Variants in DLGAP2 observed in about 807,000 individuals in gnomAD.
The protein encoded by DLGAP2 is DLG associated protein 2.
A neutral mutation model predicts 100.3 loss-of-function variants in DLGAP2; 26 were observed. The observed-to-expected ratio is 0.26, with a 90% CI of 0.19 to 0.36. The LOEUF (loss-of-function observed/expected upper bound fraction) is 0.36, where lower values mean the gene tolerates loss of function less well. DLGAP2 is among the 10% of genes least tolerant of loss of function. The pLI, the probability that DLGAP2 is intolerant of heterozygous loss-of-function variation, is 1.00. For synonymous variants in DLGAP2, 886 were observed against 630.1 expected, an observed-to-expected ratio of 1.41 and a Z score of -6.08; for missense variants, 1,858 against 1,453.2, an observed-to-expected ratio of 1.28 and a Z score of -4.53.
In DLGAP2 at chr8:868,688, G is replaced by T. The variant is rs140524036; in HGVS notation, c.19-39224G>T. 4.7e-3 allele frequency among the ~76,000 whole-genome samples: 720 copies of T among 152,342 alleles called. 15 individuals are homozygous for T. The highest frequency in any genetic ancestry group is 0.036 in the Admixed American group (554 of 15,306). Reference sequence around the variant, plus strand: ...GCGGCACCTTGAAGAAGGTGCTGGTGTGGGCTTTGGTGTGTCTGAGGCGTC... The same window carrying T: ...GCGGCACCTTGAAGAAGGTGCTGGTTTGGGCTTTGGTGTGTCTGAGGCGTC... On this transcript the variant is annotated intron_variant, in intron 1 of 14. Coordinates refer to ENST00000637795, the MANE Select transcript of DLGAP2 (RefSeq NM_001346810.2).
chr8:979,177 C>CTG (rs1800259026), intron 2 of DLGAP2, among the ~76,000 whole-genome samples: 1 of 152,190 alleles, frequency 6.6e-6, no homozygotes, highest in Non-Finnish European at 1.5e-5. Flanking sequence ...AGCAATCACA[C>CTG]TGACTTCACA....
rs546089945 is a variant in DLGAP2, at chr8:766,739, T to C, written c.18+28914T>C. ...TTACCAGAGTCAATCACCAAAGAAC[T>C]AAGCTGTCCTGTCAACACTGCCAGC... On this transcript the variant is annotated intron_variant, in intron 1 of 14. Transcript: ENST00000637795. Among the ~76,000 whole-genome samples, 6 of 152,300 alleles carry C rather than the reference T, an allele frequency of 3.9e-5. No homozygotes were observed. In the South Asian group the frequency reaches 1.2e-3, roughly 32 times the overall value.
chr8:1,579,562 T>A (rs1024251003), intron 6 of DLGAP2, among the ~76,000 whole-genome samples: 3 of 152,124 alleles, frequency 2.0e-5, no homozygotes, highest in African/African-American at 7.2e-5. Flanking sequence ...TTTATATTTT[T>A]AATATATAAA....
At chr8:1,331,907 C>A (rs1489879579) in intron 3 of DLGAP2, among the ~76,000 whole-genome samples, 1 of 152,138 alleles carries the variant, frequency 6.6e-6, no homozygotes, top group African/African-American at 2.4e-5. Context: ...GGTCAGGGAG[C>A]CATGTGTCAG....
chr8:774,957 G>A (rs1359636250), intron 1 of DLGAP2, among the ~76,000 whole-genome samples: 6 of 150,856 alleles, frequency 4.0e-5, no homozygotes, highest in Non-Finnish European at 7.4e-5. Flanking sequence ...CCATTTTCAC[G>A]ATATTGATTC....
chr8:952,709 A>T (rs1799510222), intron 2 of DLGAP2, among the ~76,000 whole-genome samples: 1 of 152,196 alleles, frequency 6.6e-6, no homozygotes, highest in African/African-American at 2.4e-5. Flanking sequence ...ATATGAAAAA[A>T]CACCTATTGT....
rs547472719 is a variant in DLGAP2, at chr8:919,994, C to G, written c.73+12028C>G. Among the ~76,000 whole-genome samples, 5 of 152,336 alleles carry G rather than the reference C, an allele frequency of 3.3e-5. No individual in the cohort carries two copies. In the South Asian group the frequency reaches 1.0e-3, roughly 32 times the overall value. On this transcript the variant is annotated intron_variant, in intron 2 of 14. Transcript: ENST00000637795. ...CCCACTCAGCGATTCACTGGGAGGACTCCTGGAGCTCATGCCCAGCAGGAT... is the reference window on the plus strand; with the variant it reads ...CCCACTCAGCGATTCACTGGGAGGAGTCCTGGAGCTCATGCCCAGCAGGAT...
chr8:1,522,011 C>T lies in DLGAP2; in HGVS notation c.172+20580C>T, dbSNP rs533762939. Among the ~76,000 whole-genome samples, 6 of 132,194 alleles carry T rather than the reference C, an allele frequency of 4.5e-5. No individual in the cohort carries two copies. The South Asian group carries it at 9.5e-4, about 21-fold the overall frequency. 86.7% of individuals were successfully genotyped at this position (132,194 alleles called of 152,430 possible). On this transcript the variant is annotated intron_variant, in intron 4 of 14. Transcript: ENST00000637795. The stretch of plus-strand genomic sequence containing the variant: ...CACACTTGTTTTAATTTGGAATACT[C>T]GGGGGCAGGTGATTTGGGGCGTCTC...
chr8:1,629,875 G>A (rs1485049521), intron 7 of DLGAP2, among the ~76,000 whole-genome samples: 1 of 152,074 alleles, frequency 6.6e-6, no homozygotes, highest in African/African-American at 2.4e-5. Context: ...CCTGTTTGGG[G>A]GTAAATGTAA....
intron 3 of DLGAP2, among the ~76,000 whole-genome samples, chr8:1,410,112 G>A (rs976373369): frequency 7.2e-5 from 11 of 152,252 alleles, no homozygotes; most frequent in Middle Eastern, 3.4e-3. Flanking sequence ...AATGCCAGAC[G>A]CTGACACCAA....
intron 3 of DLGAP2, among the ~76,000 whole-genome samples, chr8:1,314,929 C>G (rs540687742): frequency 4.5e-4 from 69 of 152,322 alleles, no homozygotes; most frequent in African/African-American, 1.5e-3. Flanking sequence ...CCCATGTGCC[C>G]TACCGGGGAA....
At chr8:1,690,556 T>C (rs557164141) in intron 12 of DLGAP2, among the ~76,000 whole-genome samples, 1 of 150,140 alleles carries the variant, frequency 6.7e-6, no homozygotes, top group East Asian at 2.0e-4. Context: ...AATACAAAAT[T>C]AGCCAGGCAT....
At chr8:1,310,308 C>T (rs1264027495) in intron 3 of DLGAP2, among the ~76,000 whole-genome samples, 1 of 152,008 alleles carries the variant, frequency 6.6e-6, no homozygotes, top group Non-Finnish European at 1.5e-5. Context: ...GTCAATTCAA[C>T]AAGGAGATAC....
chr8:1,249,527 T>A (rs1798990297), intron 2 of DLGAP2, among the ~76,000 whole-genome samples: 1 of 152,208 alleles, frequency 6.6e-6, no homozygotes, highest in Non-Finnish European at 1.5e-5. Context: ...ATGAAATATT[T>A]TGCAAATTGT....
intron 2 of DLGAP2, among the ~76,000 whole-genome samples, chr8:1,167,464 T>G (rs979162278): frequency 6.6e-6 from 1 of 152,220 alleles, no homozygotes; most frequent in South Asian, 2.1e-4. Context: ...CAGGGTTTTA[T>G]GCATGTCAAA....
At chr8:1,638,446 C>A (rs555502003) in intron 8 of DLGAP2, among the ~76,000 whole-genome samples, 1 of 152,222 alleles carries the variant, frequency 6.6e-6, no homozygotes, top group East Asian at 1.9e-4. Flanking sequence ...CTCACAGCCT[C>A]CATGACATGA....
chr8:1,541,904 C>T (rs1199566773), intron 4 of DLGAP2, among the ~76,000 whole-genome samples: 1 of 152,180 alleles, frequency 6.6e-6, no homozygotes, highest in African/African-American at 2.4e-5. Flanking sequence ...CAATCATGGT[C>T]ACGGAACGTT....
intron 3 of DLGAP2, among the ~76,000 whole-genome samples, chr8:1,418,225 A>G (rs1181349550): frequency 6.6e-6 from 1 of 152,240 alleles, no homozygotes; most frequent in Non-Finnish European, 1.5e-5. Context: ...TGTCTCTACT[A>G]CTGAACATTT....
chr8:936,186 C>A (rs1315557012), intron 2 of DLGAP2, among the ~76,000 whole-genome samples: 1 of 152,136 alleles, frequency 6.6e-6, no homozygotes, highest in African/African-American at 2.4e-5. Flanking sequence ...GAGTGAGCCT[C>A]TGTAGGAGTC....
Sources: allele counts gnomAD v4.1 joint callset (sites outside exome capture counted in the v4.1 genomes callset), GRCh38; gene constraint gnomAD v4.1.1; transcripts MANE v1.5; gene names NCBI Gene and HGNC (gene_info 2026-07-23, HGNC 2026-07-21).